The following CKS2 variants were observed in gnomAD, a reference collection of about 807,000 sequenced individuals.
CKS2 encodes the protein cyclin-dependent kinases regulatory subunit 2.
In CKS2, 4 loss-of-function variants were observed where a neutral mutation model predicts 14.3. The observed-to-expected ratio is 0.28, with a 90% CI of 0.14 to 0.64. The LOEUF is 0.64. Ranked by LOEUF, CKS2 falls within the 30% of genes least tolerant of loss-of-function variation. CKS2 has a pLI of 0.83. For synonymous variants in CKS2, 33 were observed against 28.7 expected, an observed-to-expected ratio of 1.15 and a Z score of -0.48; for missense variants, 71 against 94.3, an observed-to-expected ratio of 0.75 and a Z score of 1.02.
Position 89,315,260 on chromosome 9 carries a change from G to A in CKS2, c.150G>A (p.Gln50=), listed in dbSNP as rs1824685689. Residue 50 remains glutamine (Q), a synonymous_variant, in exon 2 of 3, where the codon CAG becomes CAA. Coordinates refer to ENST00000314355, the MANE Select transcript of CKS2 (RefSeq NM_001827.3). ...EEEWRRLGVQ[Q]SLGWVHYMIH... ...AGTGGAGGAGACTTGGTGTCCAACAGAGTCTAGGCTGGGTTCATTACATGA... is the reference window on the plus strand; with the variant it reads ...AGTGGAGGAGACTTGGTGTCCAACAAAGTCTAGGCTGGGTTCATTACATGA... 5.0e-6 allele frequency: 8 copies of A among 1,611,090 alleles called. No homozygotes were observed. The highest frequency in any genetic ancestry group is 6.8e-6 in the Non-Finnish European group (8 of 1,178,262).
intron 2 of CKS2, 77 bp downstream of exon 2, chr9:89,315,374 T>C (rs1166258195): frequency 2.4e-6 from 3 of 1,266,604 alleles, no homozygotes; most frequent in Non-Finnish European, 2.1e-6. Context: ...TTTAAAAATA[T>C]CATTGACATC....
chr9:89,316,339 T>A (rs1376995171), intron 2 of CKS2, 34 bp from the exon 3 acceptor site: 15 of 1,375,882 alleles, frequency 1.1e-5, no homozygotes, highest in Non-Finnish European at 1.5e-5. Flanking sequence ...ATGAAAATCA[T>A]ATTAAAATGA....
chr9:89,311,834 G>T (rs939989145), intron 1 of CKS2, among the ~76,000 whole-genome samples: 3 of 152,222 alleles, frequency 2.0e-5, no homozygotes, highest in Non-Finnish European at 4.4e-5. Flanking sequence ...CGCTGACGGG[G>T]TGATGCAGCT....
chr9:89,315,395 T>G, intron 2 of CKS2, 98 bp downstream of exon 2: 1 of 1,098,336 alleles, frequency 9.1e-7, no homozygotes, highest in Non-Finnish European at 1.2e-6. Context: ...AAATGATATC[T>G]GAAAGTAACT....
intron 2 of CKS2, among the ~76,000 whole-genome samples, 160 bp downstream of exon 2, chr9:89,315,457 T>C (rs1240729348): frequency 1.3e-5 from 2 of 151,050 alleles, no homozygotes; most frequent in African/African-American, 4.9e-5. Context: ...CTGGAGAGAG[T>C]TCCAATTTTA....
chr9:89,313,487 A>G (rs1824655626), intron 1 of CKS2, among the ~76,000 whole-genome samples: 2 of 152,246 alleles, frequency 1.3e-5, no homozygotes, highest in Admixed American at 1.3e-4. Flanking sequence ...GATTTTGGAA[A>G]TAATTTTCCT....
In CKS2 at chr9:89,311,205, G is replaced by C. The variant is rs3211664; in HGVS notation, c.-88G>C. On this transcript the variant is annotated 5_prime_UTR_variant, in exon 1 of 3. Coordinates refer to ENST00000314355, the MANE Select transcript of CKS2 (RefSeq NM_001827.3). Reference sequence around the variant, plus strand: ...GTTGGGACTGCGGTCGTTAGTCTCCGGCGAGTTGTTGCCTGGGCTGGACGT... The same window carrying C: ...GTTGGGACTGCGGTCGTTAGTCTCCCGCGAGTTGTTGCCTGGGCTGGACGT... The C allele has an allele frequency of 3.9e-3, 4,218 of 1,079,808 alleles. 102 individuals carry two copies. The highest frequency in any genetic ancestry group is 0.016 in the East Asian group (596 of 38,228). 66.9% of individuals were successfully genotyped at this position (1,079,808 alleles called of 1,614,324 possible).
intron 2 of CKS2, 107 bp from the exon 3 acceptor site, chr9:89,316,266 T>TA (rs2131465022): frequency 2.8e-6 from 2 of 725,604 alleles, no homozygotes; most frequent in East Asian, 5.4e-5. Flanking sequence ...AACCAATTAA[T>TA]AGTGGACTTA....
intron 2 of CKS2, among the ~76,000 whole-genome samples, chr9:89,315,836 C>A (rs981191176): frequency 2.0e-5 from 3 of 152,112 alleles, no homozygotes; most frequent in Admixed American, 1.3e-4. Context: ...TAGACTAAAA[C>A]AGTGTGGGTT....
chr9:89,313,558 T>A (rs1220617764), intron 1 of CKS2, among the ~76,000 whole-genome samples: 1 of 152,182 alleles, frequency 6.6e-6, no homozygotes, highest in African/African-American at 2.4e-5. Flanking sequence ...TCATATGGGG[T>A]TGATGCTACT....
At position 89,316,368 on chromosome 9, in the gene CKS2, C is replaced by T. The variant is rs1346281847; in HGVS notation, c.188-5C>T. The stretch of plus-strand genomic sequence containing the variant: ...AAAATGATTCAAAACATTTTCTTTC[C>T]ACAGAACCACATATTCTTCTCTTTA... On this transcript the variant is annotated splice_polypyrimidine_tract_variant and splice_region_variant and intron_variant, in intron 2 of 2. Transcript: ENST00000314355. 6.4e-7 allele frequency: 1 copy of T among 1,569,700 alleles called. No homozygotes were observed. Among genetic ancestry groups the T allele is most frequent in the South Asian group, 1.1e-5 (1 of 88,332 alleles).
chr9:89,311,824 C>A (rs1824615577), intron 1 of CKS2, among the ~76,000 whole-genome samples: 1 of 152,194 alleles, frequency 6.6e-6, no homozygotes, highest in Non-Finnish European at 1.5e-5. Context: ...CTTTCCCTGT[C>A]GCTGACGGGG....
At position 89,311,197 on chromosome 9, in the gene CKS2, T is replaced by G. The variant is rs1450109683; in HGVS notation, c.-96T>G. The G allele has an allele frequency of 4.1e-6, 4 of 964,130 alleles. No individual in the cohort carries two copies. In the East Asian group the frequency reaches 1.1e-4, roughly 27 times the overall value. 59.7% of individuals were successfully genotyped at this position (964,130 alleles called of 1,614,324 possible). On this transcript the variant is annotated 5_prime_UTR_variant, in exon 1 of 3. Transcript: ENST00000314355. ...TCCGGATCGTTGGGACTGCGGTCGT[T>G]AGTCTCCGGCGAGTTGTTGCCTGGG...
intron 1 of CKS2, among the ~76,000 whole-genome samples, chr9:89,314,955 TGATAAGAGAA>T (rs1430581486): frequency 1.3e-5 from 2 of 152,212 alleles, no homozygotes; most frequent in Non-Finnish European, 2.9e-5. Context: ...AAGCATTCTG[TGATAAGAGAA>T]AAAGATTAAT....
chr9:89,315,197 C>A lies in CKS2; in HGVS notation c.87C>A (p.Ser29=). 1 of 1,610,090 alleles carries A rather than the reference C, an allele frequency of 6.2e-7. No individual in the cohort carries two copies. The highest frequency in any genetic ancestry group is 8.5e-7 in the Non-Finnish European group (1 of 1,178,302). The change falls in exon 2 of 3, where the codon TCC becomes TCA. Residue 29 remains serine (S), a synonymous_variant. Transcript: ENST00000314355. The part of the protein sequence containing the change: ...YRHVMLPREL[S]KQVPKTHLMS... ...ATGTTATGTTACCCAGAGAACTTTC[C>A]AAACAAGTACCTAAAACTCATCTGA...
Position 89,311,350 on chromosome 9 carries a change from C to T in CKS2, c.58C>T (p.Arg20Trp). 2 of 1,602,188 alleles carry T rather than the reference C, an allele frequency of 1.2e-6. No individual in the cohort carries two copies. The highest frequency in any genetic ancestry group is 2.3e-5 in the East Asian group (1 of 42,758). The change falls in exon 1 of 3, where the codon CGG (arginine) becomes TGG (tryptophan). Residue 20 changes from arginine to tryptophan, a missense_variant and splice_region_variant. By Grantham distance (101) the Arg-to-Trp change is moderately radical. Coordinates refer to ENST00000314355, the MANE Select transcript of CKS2 (RefSeq NM_001827.3). ...GTACTTCGACGAACACTACGAGTAC[C>T]GGTGGGCGCCTTTCTTAGACCCCGA... is the stretch of plus-strand genomic sequence containing the variant. ...DKYFDEHYEY[R>W]HVMLPRELSK... is the part of the protein sequence containing the mutation.
chr9:89,312,389 A>G (rs1824635580), intron 1 of CKS2: 1 of 154,386 alleles, frequency 6.5e-6, no homozygotes, highest in African/African-American at 2.4e-5. Flanking sequence ...GGTAGCGACT[A>G]GAACGCTGCG....
chr9:89,312,002 A>G (rs1314031557), intron 1 of CKS2, among the ~76,000 whole-genome samples: 1 of 152,064 alleles, frequency 6.6e-6, no homozygotes, highest in Non-Finnish European at 1.5e-5. Context: ...GAAAATGTTT[A>G]CTGGGTATGG....
intron 1 of CKS2, among the ~76,000 whole-genome samples, chr9:89,314,595 T>C (rs1824674488): frequency 1.3e-5 from 2 of 152,194 alleles, no homozygotes; most frequent in South Asian, 4.1e-4. Context: ...GAAACCCAAA[T>C]TAACTGTAAC....
Sources: gnomAD v4.1 joint callset for allele counts (sites outside exome capture counted in the v4.1 genomes callset) on GRCh38, gnomAD v4.1.1 for gene constraint, MANE v1.5 for transcripts, NCBI Gene and HGNC (gene_info 2026-07-23, HGNC 2026-07-21) for gene names.